SLC25A42: variants seen among roughly 807,000 people sequenced by gnomAD.
SLC25A42 encodes mitochondrial coenzyme A transporter SLC25A42.
Under a neutral mutation model 34.7 loss-of-function variants are expected in SLC25A42, and 19 were observed. The observed-to-expected ratio is 0.55, with a 90% CI of 0.38 to 0.80. The LOEUF is 0.80. SLC25A42 is among the 30% of genes least tolerant of loss of function. SLC25A42 has a pLI of 0.00. For synonymous variants in SLC25A42, 205 were observed against 191.2 expected (o/e 1.07, Z -0.59); for missense variants, 364 against 441.3 (o/e 0.82, Z 1.57).
chr19:19,067,453 G>A (rs1054117236), intron 1 of SLC25A42, among the ~76,000 whole-genome samples: 7 of 151,928 alleles, frequency 4.6e-5, no homozygotes, highest in Non-Finnish European at 1.0e-4. Context: ...GCGTGGTGGC[G>A]TGCGTAAATA....
chr19:19,110,621 C>T lies in SLC25A42; in HGVS notation c.702C>T (p.Ala234=). The T allele has an allele frequency of 2.0e-6, 3 of 1,512,492 alleles. No individual in the cohort carries two copies. The highest frequency in any genetic ancestry group is 2.6e-6 in the Non-Finnish European group (3 of 1,133,268). The allele number at this position is 1,512,492 out of a possible 1,614,324, so 93.7% of individuals were successfully genotyped here. The part of the protein sequence containing the change: ...PYPFERMIFG[A]CAGLIGQSAS... Reference sequence around the variant, plus strand: ...CCTTCGAGCGCATGATCTTCGGCGCCTGCGCTGGCCTCATCGGGCAGTCGG... The same window carrying T: ...CCTTCGAGCGCATGATCTTCGGCGCTTGCGCTGGCCTCATCGGGCAGTCGG... The change falls in exon 8 of 8, where the codon GCC becomes GCT. Residue 234 remains alanine, a synonymous_variant. Coordinates refer to ENST00000318596, the MANE Select transcript of SLC25A42 (RefSeq NM_178526.5).
chr19:19,092,984 C>G (rs1324440210), intron 1 of SLC25A42, among the ~76,000 whole-genome samples: 1 of 152,096 alleles, frequency 6.6e-6, no homozygotes, highest in African/African-American at 2.4e-5. Context: ...TGGGAAAGGT[C>G]TTTAGGACCT....
intron 1 of SLC25A42, among the ~76,000 whole-genome samples, chr19:19,094,751 G>A (rs550650237): frequency 1.5e-4 from 23 of 152,280 alleles, no homozygotes; most frequent in South Asian, 2.1e-4. Flanking sequence ...ATTTTAAAGC[G>A]TGGGAACTAA....
intron 1 of SLC25A42, among the ~76,000 whole-genome samples, chr19:19,082,773 A>G (rs1290170943): frequency 6.6e-6 from 1 of 151,168 alleles, no homozygotes; most frequent in Non-Finnish European, 1.5e-5. Flanking sequence ...CCATCCTCCC[A>G]TCTTGGCCTC....
intron 2 of SLC25A42, 43 bp from the exon 3 acceptor site, chr19:19,101,738 C>T (rs752928165): frequency 3.2e-6 from 5 of 1,557,700 alleles, no homozygotes; most frequent in Admixed American, 1.8e-5. Context: ...TCTGCGGAGC[C>T]GCCCCCCTGC....
chr19:19,109,240 C>T lies in SLC25A42; in HGVS notation c.649+1195C>T, dbSNP rs2059850158. On this transcript the variant is annotated intron_variant, in intron 7 of 7. Transcript: ENST00000318596. This position sits in a 1 kb window ranked among gnomAD's most constrained non-coding sequence, Gnocchi z 4.1. ...AGTGGGCCTTACCTTCTTGGGGTGC[C>T]CTTTGGCTGTTGCCAGGTTTTCTGT... Among the ~76,000 whole-genome samples the T allele has an allele frequency of 6.6e-6, 1 of 152,164 alleles. No individual in the cohort carries two copies.
intron 2 of SLC25A42, 49 bp downstream of exon 2, chr19:19,096,254 T>TGGGGGCCCCCCC: frequency 2.1e-6 from 3 of 1,456,714 alleles, no homozygotes; most frequent in Non-Finnish European, 9.4e-7. Flanking sequence ...GGCCCCAGCC[T>TGGGGGCCCCCCC]CCCCACCCCC....
chr19:19,071,648 C>T (rs1208041719), intron 1 of SLC25A42, among the ~76,000 whole-genome samples: 1 of 152,116 alleles, frequency 6.6e-6, no homozygotes, highest in Non-Finnish European at 1.5e-5. Context: ...GGGCGGAGCA[C>T]CTGAGGTCAG....
At chr19:19,110,288 A>C (rs553313108) in intron 7 of SLC25A42, among the ~76,000 whole-genome samples, 68 of 152,252 alleles carry the variant, frequency 4.5e-4, no homozygotes, top group African/African-American at 1.6e-3. Flanking sequence ...GGGTGCAGTG[A>C]GCCGAGATTG....
chr19:19,074,756 TGTGA>T (rs1470716746), intron 1 of SLC25A42, among the ~76,000 whole-genome samples: 3 of 151,780 alleles, frequency 2.0e-5, no homozygotes, highest in Non-Finnish European at 4.4e-5. Context: ...TGTGAGCGAG[TGTGA>T]GTGTGTGTGT....
chr19:19,072,108 C>T (rs539133308), intron 1 of SLC25A42, among the ~76,000 whole-genome samples: 23 of 152,296 alleles, frequency 1.5e-4, no homozygotes, highest in African/African-American at 5.5e-4. Flanking sequence ...CCACCCCAGC[C>T]TCCCAAAGTA....
intron 1 of SLC25A42, among the ~76,000 whole-genome samples, chr19:19,072,738 G>A (rs771926406): frequency 7.9e-5 from 12 of 152,094 alleles, no homozygotes; most frequent in Non-Finnish European, 1.8e-4. Flanking sequence ...AGAGTGCAGT[G>A]GTGTAATCAC....
At chr19:19,079,143 C>T (rs190636350) in intron 1 of SLC25A42, among the ~76,000 whole-genome samples, 4 of 152,188 alleles carry the variant, frequency 2.6e-5, no homozygotes, top group East Asian at 1.9e-4. Context: ...GCAACCTCCA[C>T]CTCCCTGGTT....
chr19:19,105,872 C>T, intron 5 of SLC25A42, 145 bp downstream of exon 5: 1 of 704,334 alleles, frequency 1.4e-6, no homozygotes, highest in South Asian at 1.9e-5. Flanking sequence ...TGGGAGACTC[C>T]TCACCCAGGC....
Position 19,108,629 on chromosome 19 carries a change from C to T in SLC25A42, c.649+584C>T, listed in dbSNP as rs569683067. On this transcript the variant is annotated intron_variant, in intron 7 of 7. Coordinates refer to ENST00000318596, the MANE Select transcript of SLC25A42 (RefSeq NM_178526.5). Reference sequence around the variant, plus strand: ...TACCTCACCTCTTCACGAGCACACACGCAAAGCATATGGGTAAAACCCAGA... The same window carrying T: ...TACCTCACCTCTTCACGAGCACACATGCAAAGCATATGGGTAAAACCCAGA... 3.4e-4 allele frequency among the ~76,000 whole-genome samples: 52 copies of T among 151,964 alleles called. 3 individuals carry two copies. The South Asian group carries it at 0.01, about 30-fold the overall frequency.
chr19:19,106,325 C>T lies in SLC25A42; in HGVS notation c.437C>T (p.Ala146Val). 2.5e-6 allele frequency: 4 copies of T among 1,613,754 alleles called. No homozygotes were observed. The highest frequency in any genetic ancestry group is 3.4e-6 in the Non-Finnish European group (4 of 1,179,976). Residue 146 changes from alanine (A) to valine (V), a missense_variant, in exon 6 of 8, where the codon GCT becomes GTT. Ala to Val is a moderately conservative substitution (Grantham distance 64). Coordinates refer to ENST00000318596, the MANE Select transcript of SLC25A42 (RefSeq NM_178526.5). ...GGCGCACTGGCTGGAACGACAGCCG[C>T]TTCACTGACCTACCCCCTGGACCTG... The part of the protein sequence containing the change: ...FAGALAGTTA[A>V]SLTYPLDLVR...
At chr19:19,092,707 T>C (rs2059744336) in intron 1 of SLC25A42, among the ~76,000 whole-genome samples, 1 of 152,180 alleles carries the variant, frequency 6.6e-6, no homozygotes, top group African/African-American at 2.4e-5. Context: ...GTATAGCAAA[T>C]GGCTGAATCC....
chr19:19,096,915 C>T (rs1381330363), intron 2 of SLC25A42, among the ~76,000 whole-genome samples: 4 of 151,748 alleles, frequency 2.6e-5, no homozygotes, highest in South Asian at 2.1e-4. Flanking sequence ...CCAGCCTGAG[C>T]GACAGGGTGA....
intron 1 of SLC25A42, among the ~76,000 whole-genome samples, chr19:19,084,596 G>C (rs1036979678): frequency 8.5e-5 from 13 of 152,166 alleles, no homozygotes; most frequent in Non-Finnish European, 1.8e-4. Context: ...TCCCCTTTCC[G>C]GGAGGTGGAG....
Sources: gnomAD v4.1 joint callset for allele counts (sites outside exome capture counted in the v4.1 genomes callset) on GRCh38, gnomAD v4.1.1 for gene constraint, Gnocchi (gnomAD v3.1) non-coding constraint, MANE v1.5 for transcripts, NCBI Gene and HGNC (gene_info 2026-07-23, HGNC 2026-07-21) for gene names.